Variants in ESRRB observed in about 807,000 individuals in gnomAD.
The protein encoded by ESRRB is estrogen related receptor beta.
In ESRRB, 16 loss-of-function variants were observed where a neutral mutation model predicts 46.0. The observed-to-expected ratio is 0.35, with a 90% CI of 0.24 to 0.53. ESRRB has a LOEUF of 0.53. Among genes scored for constraint, ESRRB ranks in the 20% least tolerant of loss-of-function variants. The pLI is 0.93. For missense variants in ESRRB, 488 were observed against 607.4 expected (o/e 0.80, Z 2.07); for synonymous variants, 246 against 259.6 (o/e 0.95, Z 0.50).
intron 2 of ESRRB, among the ~76,000 whole-genome samples, chr14:76,443,858 C>T (rs963568344): frequency 7.9e-5 from 12 of 152,252 alleles, no homozygotes; most frequent in African/African-American, 2.9e-4. Flanking sequence ...ATGATCTCTT[C>T]GTAGAAGTCA....
At chr14:76,431,493 G>A (rs1887442422) in intron 1 of ESRRB, among the ~76,000 whole-genome samples, 1 of 152,156 alleles carries the variant, frequency 6.6e-6, no homozygotes, top group East Asian at 1.9e-4. Flanking sequence ...GCCAAGGCAG[G>A]AAGAGCCCCC....
At chr14:76,490,537 G>C (rs541603578) in intron 5 of ESRRB, among the ~76,000 whole-genome samples, 296 of 152,312 alleles carry the variant, frequency 1.9e-3, no homozygotes, top group African/African-American at 6.8e-3. Flanking sequence ...TTTCCTAGAT[G>C]AGGAAGCTAA....
At chr14:76,361,788 G>A (rs777140185) in intron 1 of ESRRB, among the ~76,000 whole-genome samples, 12 of 152,350 alleles carry the variant, frequency 7.9e-5, no homozygotes, top group Non-Finnish European at 1.8e-4. Context: ...GGCTCGCCAT[G>A]ATGGATCAGG....
At position 76,498,606 on chromosome 14, in the gene ESRRB, G is replaced by A. The variant is rs1890529423; in HGVS notation, c.*148G>A. Reference sequence around the variant, plus strand: ...GGCGGGGGTTTCTCACCTCCTGGCTGTGTGCAGACTCCCGGGTGCAGTGGG... The same window carrying A: ...GGCGGGGGTTTCTCACCTCCTGGCTATGTGCAGACTCCCGGGTGCAGTGGG... On this transcript the variant is annotated 3_prime_UTR_variant, in exon 7 of 7. Transcript: ENST00000644823. The A allele has an allele frequency of 7.3e-7, 1 of 1,377,722 alleles. No individual in the cohort carries two copies. The highest frequency in any genetic ancestry group is 2.2e-5 in the Admixed American group (1 of 45,764). The allele number at this position is 1,377,722 out of a possible 1,614,324, so 85.3% of individuals were successfully genotyped here. A position where few individuals can be genotyped will look rare whatever the true frequency, so the allele number is the denominator to read the frequency against.
At chr14:76,421,397 T>C (rs1432681011) in intron 1 of ESRRB, among the ~76,000 whole-genome samples, 1 of 152,074 alleles carries the variant, frequency 6.6e-6, no homozygotes, top group Non-Finnish European at 1.5e-5. Flanking sequence ...AAATCCAGAG[T>C]TATTTTGAGG....
intron 1 of ESRRB, among the ~76,000 whole-genome samples, chr14:76,433,485 T>C (rs1018080587): frequency 6.6e-6 from 1 of 152,142 alleles, no homozygotes; most frequent in African/African-American, 2.4e-5. Flanking sequence ...CGCCCCCTTC[T>C]CATCAAAGAA....
At chr14:76,351,977 C>T (rs1271450642) in intron 1 of ESRRB, among the ~76,000 whole-genome samples, 4 of 125,248 alleles carry the variant, frequency 3.2e-5, no homozygotes, top group African/African-American at 6.1e-5. Context: ...AGAGTGAGAC[C>T]CAGTCTCTTA....
At chr14:76,456,254 C>T (rs772463868) in intron 2 of ESRRB, among the ~76,000 whole-genome samples, 4 of 152,274 alleles carry the variant, frequency 2.6e-5, no homozygotes, top group Non-Finnish European at 4.4e-5. Flanking sequence ...TAGGTTTCTA[C>T]TTTCCTCATT....
At chr14:76,368,126 CTTTTTTTT>C (rs751709764), upstream of ESRRB, among the ~76,000 whole-genome samples, 2 of 124,226 alleles carry the variant, frequency 1.6e-5, no homozygotes, top group Admixed American at 8.6e-5. Flanking sequence ...CTAATTTTTC[CTTTTTTTT>C]TTTTTTTTTT....
At chr14:76,333,928 C>G (rs1884094979) in intron 1 of ESRRB, among the ~76,000 whole-genome samples, 1 of 151,970 alleles carries the variant, frequency 6.6e-6, no homozygotes, top group South Asian at 2.1e-4. Context: ...CAGCCACTTG[C>G]TAGCTGTGTG....
intron 1 of ESRRB, among the ~76,000 whole-genome samples, chr14:76,324,963 C>CTTTTTCT (rs1320537747): frequency 0.023 from 2,348 of 102,462 alleles, 47 homozygotes; most frequent in Middle Eastern, 0.041. Context: ...TTTTCTTTTT[C>CTTTTTCT]TTTTTTTTTT....
At chr14:76,407,219 C>T (rs1328297475) in intron 1 of ESRRB, among the ~76,000 whole-genome samples, 1 of 152,154 alleles carries the variant, frequency 6.6e-6, no homozygotes, top group Non-Finnish European at 1.5e-5. Context: ...GGGCAGAGAC[C>T]AGCGATCTGA....
chr14:76,327,964 T>C (rs1455847723), intron 1 of ESRRB, among the ~76,000 whole-genome samples: 1 of 152,008 alleles, frequency 6.6e-6, no homozygotes, highest in East Asian at 1.9e-4. Flanking sequence ...TTCACCCACC[T>C]CGGCCTCCCA....
chr14:76,450,782 G>A (rs1345606625), intron 2 of ESRRB, among the ~76,000 whole-genome samples: 1 of 152,198 alleles, frequency 6.6e-6, no homozygotes, highest in African/African-American at 2.4e-5. Flanking sequence ...AAGAGCAGGA[G>A]AGGGCAGGAG....
intron 1 of ESRRB, among the ~76,000 whole-genome samples, chr14:76,430,606 G>C (rs751884895): frequency 2.0e-5 from 3 of 152,186 alleles, no homozygotes; most frequent in Non-Finnish European, 4.4e-5. Flanking sequence ...TCTAAGCATT[G>C]TGCCTTCATT....
intron 1 of ESRRB, among the ~76,000 whole-genome samples, chr14:76,405,453 T>C (rs906403515): frequency 1.3e-5 from 2 of 152,198 alleles, no homozygotes; most frequent in Non-Finnish European, 2.9e-5. Flanking sequence ...AGAGGGCAGA[T>C]GAACCGATAA....
At chr14:76,488,216 C>G (rs1232529437) in intron 5 of ESRRB, among the ~76,000 whole-genome samples, 2 of 152,188 alleles carry the variant, frequency 1.3e-5, no homozygotes, top group Non-Finnish European at 2.9e-5. Flanking sequence ...CTTCCTTGCA[C>G]AAAATGAAGA....
chr14:76,311,883 T>C (rs1883739795), intron 1 of ESRRB, among the ~76,000 whole-genome samples: 2 of 152,114 alleles, frequency 1.3e-5, no homozygotes, highest in African/African-American at 2.4e-5. Flanking sequence ...GGGACTTTAG[T>C]TTCTGGATAT....
At chr14:76,450,142 AG>A (rs11318009) in intron 2 of ESRRB, among the ~76,000 whole-genome samples, 25,197 of 150,266 alleles carry the variant, frequency 0.17, 3,520 homozygotes, top group African/African-American at 0.39. Context: ...TGACTGAGAA[AG>A]GGGGGGGGTC....
Sources: gnomAD v4.1 joint callset for allele counts (sites outside exome capture counted in the v4.1 genomes callset) on GRCh38, gnomAD v4.1.1 for gene constraint, MANE v1.5 for transcripts, NCBI Gene and HGNC (gene_info 2026-07-23, HGNC 2026-07-21) for gene names.